FILIP1L: variants seen among roughly 807,000 people sequenced by gnomAD.
FILIP1L encodes the protein filamin A interacting protein 1 like.
In FILIP1L, 55 loss-of-function variants were observed where a neutral mutation model predicts 96.6. The observed-to-expected ratio is 0.57, with a 90% CI of 0.46 to 0.71. The LOEUF is 0.71. Among genes scored for constraint, FILIP1L ranks in the 30% least tolerant of loss-of-function variants. The pLI is 0.00. For missense variants in FILIP1L, 1,304 were observed against 1,321.2 expected, an observed-to-expected ratio of 0.99 and a Z score of 0.20; for synonymous variants, 467 against 473.9, an observed-to-expected ratio of 0.99 and a Z score of 0.19.
intron 1 of FILIP1L, among the ~76,000 whole-genome samples, chr3:100,050,064 G>A (rs2065344030): frequency 6.6e-6 from 1 of 152,130 alleles, no homozygotes; most frequent in Non-Finnish European, 1.5e-5. Context: ...TAAGTGAAAA[G>A]GAACATGCTT....
chr3:100,047,991 C>G (rs531654506), intron 1 of FILIP1L, among the ~76,000 whole-genome samples: 11 of 152,274 alleles, frequency 7.2e-5, no homozygotes, highest in African/African-American at 2.6e-4. Context: ...AATATACCCT[C>G]CTAAGAAACA....
intron 1 of FILIP1L, among the ~76,000 whole-genome samples, chr3:99,962,559 T>C (rs962559750): frequency 6.6e-6 from 1 of 152,204 alleles, no homozygotes; most frequent in Non-Finnish European, 1.5e-5. Context: ...AGAGATAATA[T>C]TGTTTTAACA....
intron 4 of FILIP1L, among the ~76,000 whole-genome samples, chr3:99,908,008 TG>T (rs1438436050): frequency 1.3e-5 from 2 of 152,258 alleles, no homozygotes; most frequent in African/African-American, 2.4e-5. Context: ...AACTGTGTAT[TG>T]AATATTTGTA....
At chr3:99,970,149 A>C (rs1708771243) in intron 1 of FILIP1L, among the ~76,000 whole-genome samples, 1 of 152,236 alleles carries the variant, frequency 6.6e-6, no homozygotes, top group Non-Finnish European at 1.5e-5. Flanking sequence ...TAAATCATTC[A>C]TTCTCACAAC....
At chr3:99,835,199 T>C (rs1449903822) in intron 5 of FILIP1L, among the ~76,000 whole-genome samples, 2 of 152,210 alleles carry the variant, frequency 1.3e-5, no homozygotes, top group African/African-American at 2.4e-5. Context: ...GCAGCACTGA[T>C]TCCTGGGCTA....
At chr3:100,084,647 C>T (rs932355677) in intron 1 of FILIP1L, among the ~76,000 whole-genome samples, 4 of 152,062 alleles carry the variant, frequency 2.6e-5, no homozygotes, top group African/African-American at 7.2e-5. Flanking sequence ...GGGATTTGAC[C>T]GTAAAGCCAT....
At chr3:99,856,444 T>A (rs191704041) in intron 4 of FILIP1L, among the ~76,000 whole-genome samples, 19 of 152,302 alleles carry the variant, frequency 1.2e-4, no homozygotes, top group African/African-American at 4.3e-4. Context: ...CATGTTCTAG[T>A]ACTGACACCA....
chr3:100,057,044 T>C (rs1474966015), intron 1 of FILIP1L, among the ~76,000 whole-genome samples: 1 of 151,998 alleles, frequency 6.6e-6, no homozygotes, highest in Non-Finnish European at 1.5e-5. Context: ...CCCACAACTT[T>C]GGGGTAGCTC....
intron 1 of FILIP1L, among the ~76,000 whole-genome samples, chr3:99,963,393 A>G (rs957337643): frequency 2.0e-5 from 3 of 152,292 alleles, no homozygotes; most frequent in Admixed American, 2.0e-4. Flanking sequence ...ATAGGAAAAG[A>G]AGTAAAAATA....
chr3:99,990,437 G>A (rs1301294516), intron 1 of FILIP1L, among the ~76,000 whole-genome samples: 1 of 152,114 alleles, frequency 6.6e-6, no homozygotes, highest in African/African-American at 2.4e-5. Flanking sequence ...ACATAACAAA[G>A]TGAACACTAA....
At chr3:99,862,535 G>A (rs550279929) in intron 4 of FILIP1L, among the ~76,000 whole-genome samples, 2 of 152,286 alleles carry the variant, frequency 1.3e-5, no homozygotes, top group African/African-American at 4.8e-5. Flanking sequence ...GGGCTGTCCT[G>A]TACACTGTAG....
At position 99,983,448 on chromosome 3, in the gene FILIP1L, A is replaced by G. The variant is rs190148785; in HGVS notation, c.-10-52418T>C. On this transcript the variant is annotated intron_variant, in intron 1 of 5. Transcript: ENST00000477258. ...TGTATGTATGTATATATATGTATGT[A>G]TATATATATATGTGTGTATATATAT... 1.9e-3 allele frequency among the ~76,000 whole-genome samples: 16 copies of G among 8,242 alleles called. 2 individuals carry two copies. In the East Asian group the frequency reaches 0.025, roughly 13 times the overall value. The allele number at this position is 8,242 out of a possible 152,430, so 5.4% of individuals were successfully genotyped here. A position where few individuals can be genotyped will look rare whatever the true frequency, so the allele number is the denominator to read the frequency against.
At chr3:99,990,888 A>G (rs79116392) in intron 1 of FILIP1L, among the ~76,000 whole-genome samples, 2,239 of 152,334 alleles carry the variant, frequency 0.015, 25 homozygotes, top group Non-Finnish European at 0.024. Context: ...ACTCCCATCT[A>G]TGCAGAGAGC....
At chr3:99,983,444 ATGTATATATATATATG>A (rs1559713561) in intron 1 of FILIP1L, among the ~76,000 whole-genome samples, 71 of 29,890 alleles carry the variant, frequency 2.4e-3, no homozygotes, top group East Asian at 5.7e-3. Flanking sequence ...ATATATATGT[ATGTATATATATATATG>A]TGTGTATATA....
rs1277159052 is a variant in FILIP1L, at chr3:99,830,359, T to C, written c.*55A>G. 2.7e-6 allele frequency: 1 copy of C among 365,390 alleles called. No individual in the cohort carries two copies. Among genetic ancestry groups the C allele is most frequent in the African/African-American group, 2.1e-5 (1 of 47,204 alleles). The allele number at this position is 365,390 out of a possible 1,614,324, so 22.6% of individuals were successfully genotyped here. A position where few individuals can be genotyped will look rare whatever the true frequency, so the allele number is the denominator to read the frequency against. On this transcript the variant is annotated 3_prime_UTR_variant, in exon 6 of 6. Transcript: ENST00000477258. The stretch of plus-strand genomic sequence containing the variant: ...CTTTGGCCTTTCATAGTGGTAATTT[T>C]AGCTTTCCACATATTTCTGTAGATG...
At chr3:100,097,065 C>T (rs1025026222) in intron 1 of FILIP1L, among the ~76,000 whole-genome samples, 2 of 152,136 alleles carry the variant, frequency 1.3e-5, no homozygotes, top group Non-Finnish European at 2.9e-5. Flanking sequence ...GCAGGCAAGC[C>T]AGCATTACTG....
At chr3:99,882,699 T>G (rs1416764769) in intron 4 of FILIP1L, among the ~76,000 whole-genome samples, 1 of 152,154 alleles carries the variant, frequency 6.6e-6, no homozygotes, top group Admixed American at 6.5e-5. Context: ...AATGTTTCTT[T>G]TGGGAAACAT....
At chr3:99,926,401 T>A (rs1707294637) in intron 3 of FILIP1L, among the ~76,000 whole-genome samples, 1 of 152,252 alleles carries the variant, frequency 6.6e-6, no homozygotes, top group Non-Finnish European at 1.5e-5. Context: ...GAGGCTCTAG[T>A]GTTGATTGTC....
At chr3:100,109,377 T>G in intron 1 of FILIP1L, among the ~76,000 whole-genome samples, 1 of 152,166 alleles carries the variant, frequency 6.6e-6, no homozygotes, top group East Asian at 1.9e-4. Context: ...CGTACAATTC[T>G]GAAAATTTTG....
Sources: allele counts gnomAD v4.1 joint callset (sites outside exome capture counted in the v4.1 genomes callset), GRCh38; gene constraint gnomAD v4.1.1; transcripts MANE v1.5; gene names NCBI Gene and HGNC (gene_info 2026-07-23, HGNC 2026-07-21).